The following FGF7 variants were observed in gnomAD, a reference collection of about 807,000 sequenced individuals.
FGF7 encodes the protein fibroblast growth factor 7.
A neutral mutation model predicts 20.5 loss-of-function variants in FGF7; 6 were observed. The observed-to-expected ratio is 0.29, with a 90% CI of 0.16 to 0.58. The LOEUF is 0.58. Ranked by LOEUF, FGF7 falls within the 20% of genes least tolerant of loss-of-function variation. The pLI, the probability that FGF7 is intolerant of heterozygous loss-of-function variation, is 0.90. For missense variants in FGF7, 144 were observed against 228.8 expected (o/e 0.63, Z 2.39); for synonymous variants, 64 against 74.7 (o/e 0.86, Z 0.74).
intron 2 of FGF7, among the ~76,000 whole-genome samples, chr15:49,440,916 G>A (rs185109191): frequency 9.2e-5 from 14 of 151,812 alleles, no homozygotes; most frequent in Admixed American, 9.2e-4. Flanking sequence ...AGATGATACT[G>A]GTTATAAGTT....
At chr15:49,475,264 AT>A (rs1267692118) in intron 2 of FGF7, among the ~76,000 whole-genome samples, 1 of 152,218 alleles carries the variant, frequency 6.6e-6, no homozygotes, top group Non-Finnish European at 1.5e-5. Flanking sequence ...TTAGGAGTTT[AT>A]TCATGAGTTT....
At chr15:49,476,107 C>G (rs1369206302) in intron 2 of FGF7, among the ~76,000 whole-genome samples, 1 of 151,964 alleles carries the variant, frequency 6.6e-6, no homozygotes, top group African/African-American at 2.4e-5. Context: ...CTACCTATGT[C>G]AACTCTATTC....
intron 2 of FGF7, among the ~76,000 whole-genome samples, chr15:49,435,554 G>C (rs2051027819): frequency 6.6e-6 from 1 of 151,454 alleles, no homozygotes; most frequent in Admixed American, 6.6e-5. Flanking sequence ...TAAATAATGT[G>C]TTATAAAATA....
intron 2 of FGF7, among the ~76,000 whole-genome samples, chr15:49,465,355 C>G (rs574171938): frequency 1.3e-5 from 2 of 149,946 alleles, no homozygotes; most frequent in South Asian, 4.2e-4. Context: ...CCAGGCTGCT[C>G]GAACTCCTGA....
chr15:49,480,470 A>T (rs1422989708), intron 2 of FGF7, among the ~76,000 whole-genome samples: 1 of 127,730 alleles, frequency 7.8e-6, no homozygotes, highest in African/African-American at 2.8e-5. Flanking sequence ...ACCATGCCCA[A>T]CTAATTTTTT....
intron 2 of FGF7, among the ~76,000 whole-genome samples, chr15:49,465,480 G>T (rs1019068214): frequency 5.3e-5 from 8 of 151,952 alleles, no homozygotes; most frequent in African/African-American, 1.9e-4. Context: ...TAGATAAATA[G>T]ATATGCTATC....
intron 2 of FGF7, among the ~76,000 whole-genome samples, chr15:49,443,466 T>C (rs1268098568): frequency 1.3e-5 from 2 of 151,626 alleles, no homozygotes; most frequent in African/African-American, 4.8e-5. Context: ...CAGGGCTTGA[T>C]TCACTATTTT....
At chr15:49,447,598 T>G (rs2052344443) in intron 2 of FGF7, among the ~76,000 whole-genome samples, 1 of 151,718 alleles carries the variant, frequency 6.6e-6, no homozygotes, top group Non-Finnish European at 1.5e-5. Context: ...AGTGGTGTAT[T>G]TGCTTGGGGT....
intron 2 of FGF7, among the ~76,000 whole-genome samples, chr15:49,459,027 T>C (rs1039751711): frequency 6.6e-6 from 1 of 152,212 alleles, no homozygotes; most frequent in Non-Finnish European, 1.5e-5. Flanking sequence ...ACACACAAAA[T>C]CTACTGTCAT....
In FGF7 at chr15:49,485,415, C is replaced by T. The variant is rs1244362400; in HGVS notation, c.*911C>T. ...TTTTTCCTATGGTTACAGCATTAAA[C>T]TCTATTTTAAGTTGTTTTTGAACTT... is the stretch of plus-strand genomic sequence containing the variant. On this transcript the variant is annotated 3_prime_UTR_variant, in exon 4 of 4. Transcript: ENST00000267843. The T allele has an allele frequency of 3.9e-5, 6 of 152,094 alleles. No individual in the cohort carries two copies. The highest frequency in any genetic ancestry group is 8.8e-5 in the Non-Finnish European group (6 of 67,894). 9.4% of individuals were successfully genotyped at this position (152,094 alleles called of 1,614,324 possible). A position where few individuals can be genotyped will look rare whatever the true frequency, so the allele number is the denominator to read the frequency against.
intron 2 of FGF7, among the ~76,000 whole-genome samples, chr15:49,477,372 G>A (rs2055440706): frequency 6.6e-6 from 1 of 152,114 alleles, no homozygotes; most frequent in Non-Finnish European, 1.5e-5. Flanking sequence ...TGCCACCACT[G>A]ATACTACTGT....
intron 2 of FGF7, among the ~76,000 whole-genome samples, chr15:49,470,349 A>T (rs968709291): frequency 2.0e-5 from 3 of 152,190 alleles, no homozygotes; most frequent in Non-Finnish European, 4.4e-5. Context: ...GGTGCTGAGC[A>T]AATTTCTTTT....
At chr15:49,455,757 T>C (rs929186733) in intron 2 of FGF7, among the ~76,000 whole-genome samples, 3 of 152,192 alleles carry the variant, frequency 2.0e-5, no homozygotes, top group Non-Finnish European at 2.9e-5. Context: ...AAACAAAACG[T>C]GCTCCACTTT....
intron 2 of FGF7, among the ~76,000 whole-genome samples, chr15:49,467,459 C>G (rs1490032277): frequency 2.6e-5 from 4 of 151,792 alleles, no homozygotes; most frequent in African/African-American, 9.7e-5. Context: ...TACCTCTCAT[C>G]CTATGTAATG....
At chr15:49,478,197 G>T (rs1175285205) in intron 2 of FGF7, among the ~76,000 whole-genome samples, 2 of 152,144 alleles carry the variant, frequency 1.3e-5, no homozygotes, top group East Asian at 3.9e-4. Flanking sequence ...GTGTTAATTT[G>T]CTTAGGATAA....
intron 2 of FGF7, among the ~76,000 whole-genome samples, chr15:49,449,679 T>G (rs781493832): frequency 6.6e-6 from 1 of 152,074 alleles, no homozygotes; most frequent in Non-Finnish European, 1.5e-5. Flanking sequence ...CAGGTCCCTT[T>G]CAGATGAATT....
chr15:49,460,702 A>G (rs1005687749), intron 2 of FGF7, among the ~76,000 whole-genome samples: 1 of 152,196 alleles, frequency 6.6e-6, no homozygotes, highest in African/African-American at 2.4e-5. Flanking sequence ...AGTCATGTAT[A>G]TAATAATTAA....
rs1023794096 is a variant in FGF7, at chr15:49,429,349, G to C, written c.286+4766G>C. On this transcript the variant is annotated intron_variant, in intron 2 of 3. Coordinates refer to ENST00000267843, the MANE Select transcript of FGF7 (RefSeq NM_002009.4). ...GATTTGAAAATATTAGCCATTCTTT[G>C]ATTAGTTTTTAATTTTATAATCTTT... Among the ~76,000 whole-genome samples, 5 of 151,918 alleles carry C rather than the reference G, an allele frequency of 3.3e-5. No homozygotes were observed. The East Asian group carries it at 7.7e-4, about 24-fold the overall frequency.
chr15:49,479,779 A>AC (rs2055753185), intron 2 of FGF7, among the ~76,000 whole-genome samples: 1 of 151,730 alleles, frequency 6.6e-6, no homozygotes, highest in Non-Finnish European at 1.5e-5. Flanking sequence ...ATGCCTGGCT[A>AC]ATTTTTGTAT....
Sources: gnomAD v4.1 joint callset for allele counts (sites outside exome capture counted in the v4.1 genomes callset) on GRCh38, gnomAD v4.1.1 for gene constraint, MANE v1.5 for transcripts, NCBI Gene and HGNC (gene_info 2026-07-23, HGNC 2026-07-21) for gene names.